The following ASB10 variants were observed in gnomAD, a reference collection of about 807,000 sequenced individuals.
The protein encoded by ASB10 is ankyrin repeat and SOCS box containing 10, also known as ankyrin repeat and SOCS box protein 10.
ASB10 carries 44 observed loss-of-function variants against 35.4 expected under a neutral mutation model. The observed-to-expected ratio is 1.24, with a 90% CI of 0.98 to 1.60. The LOEUF (loss-of-function observed/expected upper bound fraction) is 1.60, where lower values mean the gene tolerates loss of function less well. Ranked by LOEUF, ASB10 falls within the 40% of genes most tolerant of loss-of-function variation. ASB10 has a pLI of 0.00. For synonymous variants in ASB10, 294 were observed against 280.4 expected, an observed-to-expected ratio of 1.05 and a Z score of -0.49; for missense variants, 647 against 634.3, an observed-to-expected ratio of 1.02 and a Z score of -0.22.
chr7:151,186,842 C>T lies in ASB10; in HGVS notation c.289G>A (p.Asp97Asn). 1 of 1,606,048 alleles carries T rather than the reference C, an allele frequency of 6.2e-7. No homozygotes were observed. The highest frequency in any genetic ancestry group is 8.5e-7 in the Non-Finnish European group (1 of 1,174,590). ...FDTSDPERWR[D>N]FRFNIRALRL... ...AGAGCACGGATGTTGAAGCGGAAAT[C>T]CCTCCATCGCTCTGGGTCGCTGGTA... Residue 97 changes from aspartate (D) to asparagine (N), a missense_variant, in exon 1 of 6, where the codon GAT becomes AAT. Asp to Asn is a conservative substitution (Grantham distance 23). Coordinates refer to ENST00000420175, the MANE Select transcript of ASB10 (RefSeq NM_001142459.2).
At chr7:151,176,537 C>T in intron 4 of ASB10, 26 bp downstream of exon 4, 1 of 1,540,388 alleles carries the variant, frequency 6.5e-7, no homozygotes, top group Non-Finnish European at 8.8e-7. Flanking sequence ...ATGAGAAGCT[C>T]TATGTTCAGG....
Position 151,186,816 on chromosome 7 carries a change from C to T in ASB10, c.315G>A (p.Leu105=). The T allele has an allele frequency of 5.0e-6, 8 of 1,589,796 alleles. No homozygotes were observed. Among genetic ancestry groups the T allele is most frequent in the Middle Eastern group, 3.4e-4 (2 of 5,960 alleles). The change falls in exon 1 of 6, where the codon CTG becomes CTA. Residue 105 remains leucine, a splice_region_variant and synonymous_variant. Transcript: ENST00000420175. ...AGCCCCCAGTGCCCCGGCCCGTACT[C>T]AGAGCACGGATGTTGAAGCGGAAAT... is the stretch of plus-strand genomic sequence containing the variant. ...WRDFRFNIRA[L]RLWSLTYEEE...
chr7:151,181,727 C>T (rs1421415641), intron 2 of ASB10, among the ~76,000 whole-genome samples: 3 of 152,008 alleles, frequency 2.0e-5, no homozygotes, highest in Non-Finnish European at 4.4e-5. Flanking sequence ...ATTCTCCTGC[C>T]TCAGCCTCCA....
chr7:151,187,071 T>C lies in ASB10; in HGVS notation c.60A>G (p.Arg20=), dbSNP rs1473493353. 2.5e-6 allele frequency: 4 copies of C among 1,608,118 alleles called. No individual in the cohort carries two copies. The highest frequency in any genetic ancestry group is 3.4e-6 in the Non-Finnish European group (4 of 1,177,496). ...CCACCAGCCTGGCACAGAGGGGGTG[T>C]CTGTCATCGAGGGGCTCTCCCTGCC... ...CKGQGEPLDD[R]HPLCARLVEK... The change falls in exon 1 of 6, where the codon AGA becomes AGG. Residue 20 remains arginine (R), a synonymous_variant. Transcript: ENST00000420175. The surrounding 1 kb of genome is among the most constrained non-coding windows in gnomAD (Gnocchi z 5.3).
intron 2 of ASB10, among the ~76,000 whole-genome samples, chr7:151,182,235 G>A (rs995132208): frequency 6.6e-5 from 10 of 152,138 alleles, no homozygotes; most frequent in African/African-American, 1.9e-4. Context: ...GGAAGGGGGC[G>A]TGGGGCCTGA....
intron 3 of ASB10, among the ~76,000 whole-genome samples, chr7:151,180,710 C>T (rs573054887): frequency 1.4e-4 from 21 of 152,300 alleles, no homozygotes; most frequent in African/African-American, 3.1e-4. Context: ...TGTATACACA[C>T]GCACACCATG....
At position 151,186,836 on chromosome 7, in the gene ASB10, G is replaced by A. The variant is rs754849346; in HGVS notation, c.295C>T (p.Arg99Cys). ...GTACTCAGAGCACGGATGTTGAAGC[G>A]GAAATCCCTCCATCGCTCTGGGTCG... ...TSDPERWRDFRFNIRALRLWS... is the reference protein window; with the variant it reads ...TSDPERWRDFCFNIRALRLWS... Residue 99 changes from arginine to cysteine, a missense_variant, in exon 1 of 6, where the codon CGC (arginine) becomes TGC (cysteine). Coordinates refer to ENST00000420175, the MANE Select transcript of ASB10 (RefSeq NM_001142459.2). The A allele has an allele frequency of 7.0e-5, 112 of 1,604,034 alleles. 6 individuals carry two copies. In the South Asian group the frequency reaches 1.1e-3, roughly 15 times the overall value.
intron 3 of ASB10, among the ~76,000 whole-genome samples, chr7:151,176,986 C>T (rs1256183333): frequency 6.6e-6 from 1 of 152,188 alleles, no homozygotes; most frequent in Non-Finnish European, 1.5e-5. Flanking sequence ...AGTGGAGTGA[C>T]ACATGTACAA....
chr7:151,187,319 G>C (rs1184961900), upstream of ASB10: 1 of 1,515,014 alleles, frequency 6.6e-7, no homozygotes, highest in African/African-American at 1.4e-5. This position sits in a 1 kb window ranked among gnomAD's most constrained non-coding sequence, Gnocchi z 5.3. Context: ...CCAAGGTGTA[G>C]GCTATTGGGC....
At chr7:151,178,345 G>A (rs930202006) in intron 3 of ASB10, among the ~76,000 whole-genome samples, 1 of 152,256 alleles carries the variant, frequency 6.6e-6, no homozygotes, top group Non-Finnish European at 1.5e-5. Context: ...TGGTGGTCCA[G>A]TGCAGCAAGC....
At position 151,176,300 on chromosome 7, in the gene ASB10, G is replaced by A. The variant is rs552437104; in HGVS notation, c.1219-3C>T. On this transcript the variant is annotated splice_region_variant and splice_polypyrimidine_tract_variant and intron_variant, in intron 4 of 5. Transcript: ENST00000420175. ...GAGGAGTAGAAACGCTGATGTTTCT[G>A]GGGGCAGAACAAGGGGCTCAGTGAG... 5.2e-6 allele frequency: 8 copies of A among 1,541,924 alleles called. No homozygotes were observed. In the East Asian group the frequency reaches 1.4e-4, roughly 26 times the overall value.
At chr7:151,183,388 T>C (rs568717964) in intron 2 of ASB10, among the ~76,000 whole-genome samples, 2 of 152,320 alleles carry the variant, frequency 1.3e-5, no homozygotes, top group Admixed American at 6.5e-5. Context: ...ACTAGGTGAC[T>C]GAGAGAGACC....
At chr7:151,179,779 G>A (rs1041680943) in intron 3 of ASB10, among the ~76,000 whole-genome samples, 6 of 152,234 alleles carry the variant, frequency 3.9e-5, no homozygotes, top group African/African-American at 1.4e-4. Flanking sequence ...CTTTCGCTGC[G>A]CCGGGCCCTC....
At position 151,186,568 on chromosome 7, in the gene ASB10, C is replaced by T. The variant is rs1287928491; in HGVS notation, c.408G>A (p.Leu136=). ...RGHTEVLRLL[L]RRRARPDSAP... is the part of the protein sequence containing the mutation. ...CACTGTCTGGCCTTGCTCGCCGCCT[C>T]AGCAGCAGCCGCAGGACTTCCGTGT... is the stretch of plus-strand genomic sequence containing the variant. The change falls in exon 2 of 6, where the codon CTG becomes CTA. Residue 136 remains leucine (L), a synonymous_variant. Coordinates refer to ENST00000420175, the MANE Select transcript of ASB10 (RefSeq NM_001142459.2). The T allele has an allele frequency of 1.2e-6, 2 of 1,606,434 alleles. No individual in the cohort carries two copies. The highest frequency in any genetic ancestry group is 1.3e-5 in the African/African-American group (1 of 74,844).
At position 151,180,715 on chromosome 7, in the gene ASB10, A is replaced by C. The variant is rs143858699; in HGVS notation, c.1104+224T>G. Among the ~76,000 whole-genome samples the C allele has an allele frequency of 3.5e-3, 526 of 152,294 alleles. 3 individuals are homozygous for C. The highest frequency in any genetic ancestry group is 0.014 in the Middle Eastern group (4 of 292). On this transcript the variant is annotated intron_variant, in intron 3 of 5. Transcript: ENST00000420175. Reference sequence around the variant, plus strand: ...CATGAACACATGTATACACACGCACACCATGTATACACATGCACACACACA... The same window carrying C: ...CATGAACACATGTATACACACGCACCCCATGTATACACATGCACACACACA...
chr7:151,181,333 C>G lies in ASB10; in HGVS notation c.710G>C (p.Arg237Pro), dbSNP rs377207249. Reference sequence around the variant, plus strand: ...ATTGCGGGCATCAGGACATGCCCCCCGTCTTAGAAGCAGATCTGCCAGCTC... The same window carrying G: ...ATTGCGGGCATCAGGACATGCCCCCGGTCTTAGAAGCAGATCTGCCAGCTC... ...HVELADLLLR[R>P]GACPDARNAE... Residue 237 changes from arginine to proline, a missense_variant, in exon 3 of 6, where the codon CGG becomes CCG. Physicochemically the swap from Arg to Pro is moderately radical, Grantham distance 103. Coordinates refer to ENST00000420175, the MANE Select transcript of ASB10 (RefSeq NM_001142459.2). The G allele has an allele frequency of 3.7e-6, 6 of 1,613,064 alleles. No homozygotes were observed. The highest frequency in any genetic ancestry group is 5.1e-6 in the Non-Finnish European group (6 of 1,179,972).
In ASB10 at chr7:151,181,427, TC is replaced by T. The variant is rs1326825173; in HGVS notation, c.615del (p.Arg206GlufsTer30). ...ECAELLLRFG[A>X]RVDGRSEEEE... is the part of the protein sequence containing the mutation. ...TCTTCCTCGGACCGACCATCCACTC[TC>T]GCTCCAAACCTGAGGAGCAGCTCCG... is the stretch of plus-strand genomic sequence containing the variant. On this transcript the variant is annotated frameshift_variant, in exon 3 of 6. Transcript: ENST00000420175. LOFTEE classifies it high-confidence loss of function. 1 of 1,605,954 alleles carries T rather than the reference TC, an allele frequency of 6.2e-7. No individual in the cohort carries two copies. Among genetic ancestry groups the T allele is most frequent in the Non-Finnish European group, 8.5e-7 (1 of 1,174,998 alleles).
At position 151,180,957 on chromosome 7, in the gene ASB10, C is replaced by T; in HGVS notation, c.1086G>A (p.Trp362Ter). 6.4e-7 allele frequency: 1 copy of T among 1,553,544 alleles called. No individual in the cohort carries two copies. Among genetic ancestry groups the T allele is most frequent in the Non-Finnish European group, 8.7e-7 (1 of 1,145,520 alleles). Residue 362 changes from tryptophan to a stop codon, truncating the protein, a stop_gained, in exon 3 of 6, where the codon TGG (tryptophan) becomes TGA (stop). Coordinates refer to ENST00000420175, the MANE Select transcript of ASB10 (RefSeq NM_001142459.2). LOFTEE classifies it high-confidence loss of function. ...CCCATACCTTGGGGAGGGCCCCTGGCCAGACACGGACGGCGCCATGGTTGA... is the reference window on the plus strand; with the variant it reads ...CCCATACCTTGGGGAGGGCCCCTGGTCAGACACGGACGGCGCCATGGTTGA... ...ALLNHGAVRV[W>*]PGALPKVLER...
At position 151,180,972 on chromosome 7, in the gene ASB10, G is replaced by A. The variant is rs749734132; in HGVS notation, c.1071C>T (p.Gly357=). 8.2e-6 allele frequency: 13 copies of A among 1,576,470 alleles called. No individual in the cohort carries two copies. Among genetic ancestry groups the A allele is most frequent in the Middle Eastern group, 1.9e-4 (1 of 5,184 alleles). The change falls in exon 3 of 6, where the codon GGC becomes GGT. Residue 357 remains glycine, a synonymous_variant. Transcript: ENST00000420175. ...GGGCCCCTGGCCAGACACGGACGGC[G>A]CCATGGTTGAGCAGAGCCCGAACCA... is the stretch of plus-strand genomic sequence containing the variant. ...EHVVRALLNH[G]AVRVWPGALP...
Sources: allele counts gnomAD v4.1 joint callset (sites outside exome capture counted in the v4.1 genomes callset), GRCh38; gene constraint gnomAD v4.1.1; non-coding constraint Gnocchi (gnomAD v3.1); transcripts MANE v1.5; gene names NCBI Gene and HGNC (gene_info 2026-07-23, HGNC 2026-07-21).